The following LRBA variants were observed in gnomAD, a reference collection of about 807,000 sequenced individuals.
LRBA encodes the protein lipopolysaccharide-responsive and beige-like anchor protein.
In LRBA, 176 loss-of-function variants were observed where a neutral mutation model predicts 330.0. That is an observed-to-expected ratio of 0.53 (90% CI 0.47 to 0.60). The LOEUF is 0.60. LRBA is among the 20% of genes least tolerant of loss of function. LRBA has a pLI of 0.00. For missense variants in LRBA, 3,259 were observed against 3,444.8 expected, an observed-to-expected ratio of 0.95 and a Z score of 1.35; for synonymous variants, 1,230 against 1,193.0, an observed-to-expected ratio of 1.03 and a Z score of -0.64.
intron 34 of LRBA, among the ~76,000 whole-genome samples, chr4:150,784,685 C>A (rs1291585743): frequency 6.6e-6 from 1 of 152,190 alleles, no homozygotes; most frequent in African/African-American, 2.4e-5. Flanking sequence ...CCCGCTCCCT[C>A]TGTCTCTGTA....
intron 47 of LRBA, among the ~76,000 whole-genome samples, chr4:150,402,710 T>C (rs1356401009): frequency 2.6e-5 from 4 of 152,086 alleles, no homozygotes; most frequent in Non-Finnish European, 5.9e-5. Flanking sequence ...TTTCCTAGCA[T>C]TGCAATACTT....
chr4:150,689,320 G>T (rs1783906992), intron 36 of LRBA, among the ~76,000 whole-genome samples: 1 of 152,076 alleles, frequency 6.6e-6, no homozygotes, highest in Non-Finnish European at 1.5e-5. Context: ...GGGATGGAGG[G>T]CAAGGGGAGG....
At chr4:150,893,263 T>C in intron 16 of LRBA, 114 bp from the exon 17 acceptor site, 5 of 589,374 alleles carry the variant, frequency 8.5e-6, no homozygotes, top group African/African-American at 1.9e-5. Flanking sequence ...GACATATGTG[T>C]GATATATACT....
rs767196716 is a variant in LRBA at position 150,691,713 on chromosome 4, G to T, written c.5755-7996C>A. On this transcript the variant is annotated intron_variant, in intron 36 of 56. Transcript: ENST00000651943. ...CTACTCCTAGGTATTTCCTCAAAAGGAATAAGAACATATTTCTACAAAAAT... is the reference window on the plus strand; with the variant it reads ...CTACTCCTAGGTATTTCCTCAAAAGTAATAAGAACATATTTCTACAAAAAT... Among the ~76,000 whole-genome samples, 6 of 152,024 alleles carry T rather than the reference G, an allele frequency of 3.9e-5. No homozygotes were observed. The South Asian group carries it at 1.2e-3, about 32-fold the overall frequency.
At chr4:150,527,211 A>C in intron 40 of LRBA, among the ~76,000 whole-genome samples, 1 of 152,156 alleles carries the variant, frequency 6.6e-6, no homozygotes, top group Admixed American at 6.6e-5. Context: ...TTGCTTTCTC[A>C]ATATAGAAAC....
chr4:150,524,630 CAT>C (rs1561301852), intron 40 of LRBA, among the ~76,000 whole-genome samples: 2 of 152,100 alleles, frequency 1.3e-5, no homozygotes, highest in Non-Finnish European at 2.9e-5. Flanking sequence ...AGTCTGTAGG[CAT>C]ATTTTTCACT....
At chr4:150,984,582 G>A (rs1469667965) in intron 2 of LRBA, among the ~76,000 whole-genome samples, 1 of 151,780 alleles carries the variant, frequency 6.6e-6, no homozygotes, top group Non-Finnish European at 1.5e-5. Flanking sequence ...TTTCTTAATT[G>A]ACATGCCATC....
At chr4:150,271,387 G>A (rs1207711015) in intron 56 of LRBA, among the ~76,000 whole-genome samples, 1 of 151,976 alleles carries the variant, frequency 6.6e-6, no homozygotes, top group Non-Finnish European at 1.5e-5. Flanking sequence ...CCCTGGAAAG[G>A]AGGCTGAAGC....
chr4:150,422,136 T>C (rs1402720009), intron 46 of LRBA, among the ~76,000 whole-genome samples: 1 of 152,052 alleles, frequency 6.6e-6, no homozygotes, highest in Non-Finnish European at 1.5e-5. Context: ...ATGGCATATG[T>C]CTGTAGTCCC....
At chr4:150,917,274 G>GAA (rs146289600) in intron 5 of LRBA, among the ~76,000 whole-genome samples, 8,750 of 151,188 alleles carry the variant, frequency 0.058, 756 homozygotes, top group African/African-American at 0.2. Context: ...TTAATTAAAT[G>GAA]AAAAAAAAAT....
At chr4:150,961,383 GA>G (rs1738130128) in intron 2 of LRBA, among the ~76,000 whole-genome samples, 1 of 149,210 alleles carries the variant, frequency 6.7e-6, no homozygotes, top group Non-Finnish European at 1.5e-5. Flanking sequence ...GAGCTAAAGA[GA>G]AATACTGCAA....
At chr4:150,780,980 T>C (rs1738142654) in intron 34 of LRBA, among the ~76,000 whole-genome samples, 1 of 152,062 alleles carries the variant, frequency 6.6e-6, no homozygotes, top group Non-Finnish European at 1.5e-5. Flanking sequence ...CCCGGGTTCA[T>C]GCCATTTTCC....
At chr4:150,758,150 G>A (rs139980114) in intron 35 of LRBA, among the ~76,000 whole-genome samples, 57 of 152,304 alleles carry the variant, frequency 3.7e-4, no homozygotes, top group Non-Finnish European at 7.3e-4. Flanking sequence ...GCAGTAAAGT[G>A]TGTTACAAGA....
At chr4:150,544,061 C>G (rs1366439182) in intron 40 of LRBA, among the ~76,000 whole-genome samples, 1 of 152,078 alleles carries the variant, frequency 6.6e-6, no homozygotes, top group Non-Finnish European at 1.5e-5. Context: ...CATTTGTCTA[C>G]CTGTCCAGCT....
chr4:150,615,539 T>C (rs1261091882), intron 37 of LRBA, among the ~76,000 whole-genome samples: 1 of 152,068 alleles, frequency 6.6e-6, no homozygotes, highest in Non-Finnish European at 1.5e-5. Flanking sequence ...ATATATGGGA[T>C]GTGAGAGAAG....
intron 47 of LRBA, among the ~76,000 whole-genome samples, chr4:150,399,060 T>A (rs1036504148): frequency 2.6e-5 from 4 of 152,160 alleles, no homozygotes; most frequent in African/African-American, 9.7e-5. Context: ...TTTTAGTAAA[T>A]TCTTTATCTT....
intron 46 of LRBA, among the ~76,000 whole-genome samples, chr4:150,420,122 T>C (rs1398725876): frequency 3.3e-5 from 5 of 150,384 alleles, no homozygotes; most frequent in Non-Finnish European, 7.4e-5. Flanking sequence ...CCTGTGCCTG[T>C]AGTCCCAGCT....
rs746707676 is a variant in LRBA, at chr4:150,277,880, C to T, written c.8441G>A (p.Arg2814Gln). 3.8e-5 allele frequency: 62 copies of T among 1,613,928 alleles called. No homozygotes were observed. Among genetic ancestry groups the T allele is most frequent in the African/African-American group, 1.7e-4 (13 of 74,878 alleles). ...FAYPGCDAGI[R>Q]AMALSYDQRC... ...CTGGTCGTAAGACAGCGCCATGGCC[C>T]GGATTCCAGCGTCACATCCTGGATA... The change falls in exon 56 of 57, where the codon CGG becomes CAG. Residue 2814 changes from arginine to glutamine, a missense_variant. Arg to Gln is a conservative substitution (Grantham distance 43). Transcript: ENST00000651943.
At chr4:150,555,784 C>CACACACACACACACACACACAA (rs1561344502) in intron 40 of LRBA, among the ~76,000 whole-genome samples, 4 of 150,912 alleles carry the variant, frequency 2.7e-5, no homozygotes, top group African/African-American at 9.8e-5. Flanking sequence ...CACACACACA[C>CACACACACACACACACACACAA]ACAAACAAAT....
Sources: gnomAD v4.1 joint callset for allele counts (sites outside exome capture counted in the v4.1 genomes callset) on GRCh38, gnomAD v4.1.1 for gene constraint, MANE v1.5 for transcripts, NCBI Gene and HGNC (gene_info 2026-07-23, HGNC 2026-07-21) for gene names.